SPECC1: variants seen among roughly 807,000 people sequenced by gnomAD.
SPECC1 encodes the protein cytospin-B.
A neutral mutation model predicts 104.1 loss-of-function variants in SPECC1; 62 were observed. That is an observed-to-expected ratio of 0.60 (90% CI 0.49 to 0.74). The LOEUF (loss-of-function observed/expected upper bound fraction) is 0.74, where lower values mean the gene tolerates loss of function less well. Ranked by LOEUF, SPECC1 falls within the 30% of genes least tolerant of loss-of-function variation. The pLI is 0.00. For synonymous variants in SPECC1, 513 were observed against 501.6 expected (o/e 1.02, Z -0.30); for missense variants, 1,306 against 1,310.5 (o/e 1.00, Z 0.05).
chr17:20,156,235 A>G (rs1394427982), intron 3 of SPECC1: 17 of 1,374,192 alleles, frequency 1.2e-5, no homozygotes, highest in Non-Finnish European at 1.6e-5. Context: ...ATCCGGAACC[A>G]GGTCTGTGCG....
chr17:20,237,790 T>G (rs1277076755), intron 7 of SPECC1: 1 of 190,702 alleles, frequency 5.2e-6, no homozygotes, highest in African/African-American at 2.3e-5. Context: ...TTGCCCAGGC[T>G]AGAGTGCAGT....
chr17:20,236,864 C>G, intron 7 of SPECC1: 1 of 1,613,884 alleles, frequency 6.2e-7, no homozygotes, highest in Non-Finnish European at 8.5e-7. Flanking sequence ...TCACAGCTCC[C>G]TGGGCTCTGT....
rs532406947 is a variant in SPECC1 at position 20,009,554 on chromosome 17, T to C, written c.-22+130T>C. 38 of 152,460 alleles carry C rather than the reference T, an allele frequency of 2.5e-4. No homozygotes were observed. The highest frequency in any genetic ancestry group is 8.2e-4 in the African/African-American group (34 of 41,542). The allele number at this position is 152,460 out of a possible 1,614,324, so 9.4% of individuals were successfully genotyped here. ...TCGTGGGGGCACGGGACTGCCTTTC[T>C]GGGAAGGCGTGCTGCGTCTTCGCCG... On this transcript the variant is annotated intron_variant, in intron 1 of 14. Coordinates refer to ENST00000395527, the MANE Select transcript of SPECC1 (RefSeq NM_001243439.2). The surrounding 1 kb of genome is among the most constrained non-coding windows in gnomAD (Gnocchi z 5.2).
intron 1 of SPECC1, among the ~76,000 whole-genome samples, chr17:20,082,123 C>T (rs1335737971): frequency 2.6e-5 from 4 of 152,192 alleles, no homozygotes; most frequent in Admixed American, 6.5e-5. Flanking sequence ...CGTGCTCGCG[C>T]GCTGTGGCCA....
chr17:20,238,886 A>G lies in SPECC1; in HGVS notation c.2351+6481A>G, dbSNP rs2039063645. On this transcript the variant is annotated intron_variant, in intron 7 of 14. Coordinates refer to ENST00000395527, the MANE Select transcript of SPECC1 (RefSeq NM_001243439.2). ...AAGTGCAAAATAAACATGTTATTATATAGAAGCGTCTGCTGCTTAGTTTTA... is the reference window on the plus strand; with the variant it reads ...AAGTGCAAAATAAACATGTTATTATGTAGAAGCGTCTGCTGCTTAGTTTTA... 7.7e-6 allele frequency: 8 copies of G among 1,043,114 alleles called. No individual in the cohort carries two copies. The South Asian group carries it at 2.8e-4, about 36-fold the overall frequency. The allele number at this position is 1,043,114 out of a possible 1,614,324, so 64.6% of individuals were successfully genotyped here.
chr17:20,248,304 A>G (rs2039498871), intron 9 of SPECC1, among the ~76,000 whole-genome samples: 1 of 152,180 alleles, frequency 6.6e-6, no homozygotes, highest in Admixed American at 6.5e-5. Context: ...CCAAGCTTTA[A>G]AGGAGTTTGC....
chr17:20,104,105 A>T (rs1333877587), intron 2 of SPECC1, among the ~76,000 whole-genome samples: 1 of 152,186 alleles, frequency 6.6e-6, no homozygotes, highest in African/African-American at 2.4e-5. Context: ...TTTGAAGTGG[A>T]GGTTACAATC....
chr17:20,143,610 G>C (rs2031103825), intron 3 of SPECC1, among the ~76,000 whole-genome samples: 1 of 152,042 alleles, frequency 6.6e-6, no homozygotes, highest in Admixed American at 6.6e-5. Context: ...CTTGAACCTG[G>C]GAGGCGGAGG....
chr17:20,042,328 T>C (rs2045362231), intron 1 of SPECC1, among the ~76,000 whole-genome samples: 1 of 151,346 alleles, frequency 6.6e-6, no homozygotes, highest in African/African-American at 2.5e-5. Context: ...TGCCTACTGC[T>C]TGCCACAGTG....
chr17:20,106,368 G>T (rs2048196504), intron 2 of SPECC1, among the ~76,000 whole-genome samples: 1 of 152,168 alleles, frequency 6.6e-6, no homozygotes, highest in African/African-American at 2.4e-5. Context: ...TGAGTGAAGG[G>T]ATGCTTTTTA....
At chr17:20,075,674 C>T (rs1396484003) in intron 1 of SPECC1, among the ~76,000 whole-genome samples, 4 of 152,004 alleles carry the variant, frequency 2.6e-5, no homozygotes, top group Admixed American at 2.6e-4. Context: ...GTCTGGGCGT[C>T]GTAGGTCATG....
At chr17:20,116,934 C>A (rs1341474156) in intron 3 of SPECC1, among the ~76,000 whole-genome samples, 1 of 148,124 alleles carries the variant, frequency 6.8e-6, no homozygotes, top group Non-Finnish European at 1.5e-5. Context: ...TGGAGAGTGT[C>A]CTGCCCAAAA....
chr17:20,295,177 C>T (rs953628885), intron 12 of SPECC1, among the ~76,000 whole-genome samples: 1 of 119,804 alleles, frequency 8.3e-6, no homozygotes, highest in Admixed American at 9.6e-5. Context: ...CCCCTCCCCC[C>T]ACCCCATGAC....
At chr17:20,115,100 A>C (rs968218392) in intron 3 of SPECC1, among the ~76,000 whole-genome samples, 4 of 152,196 alleles carry the variant, frequency 2.6e-5, no homozygotes, top group Admixed American at 1.3e-4. Context: ...TTTTAGATCT[A>C]ATGTATACTG....
chr17:20,306,107 G>T (rs751431281), intron 14 of SPECC1, 25 bp downstream of exon 14: 2 of 1,600,038 alleles, frequency 1.2e-6, no homozygotes, highest in Non-Finnish European at 8.6e-7. Flanking sequence ...TTGTATCCTT[G>T]TGATACTTTA....
intron 1 of SPECC1, among the ~76,000 whole-genome samples, chr17:20,039,805 C>T (rs986844128): frequency 4.6e-5 from 7 of 152,130 alleles, no homozygotes; most frequent in South Asian, 2.1e-4. Context: ...GATCCACCCG[C>T]CTTGGCCTCC....
chr17:20,028,192 T>C (rs2044669758), intron 1 of SPECC1, among the ~76,000 whole-genome samples: 2 of 152,156 alleles, frequency 1.3e-5, no homozygotes, highest in South Asian at 4.1e-4. Context: ...TTGACCTTTT[T>C]GAAAATCATT....
intron 3 of SPECC1, among the ~76,000 whole-genome samples, chr17:20,197,652 A>T (rs899422376): frequency 7.2e-5 from 11 of 152,236 alleles, no homozygotes; most frequent in Non-Finnish European, 5.9e-5. Flanking sequence ...GTACTGCCAC[A>T]TGGTTACAAG....
At chr17:20,040,359 A>G (rs1047262048) in intron 1 of SPECC1, among the ~76,000 whole-genome samples, 1 of 152,248 alleles carries the variant, frequency 6.6e-6, no homozygotes, top group African/African-American at 2.4e-5. Context: ...AATATAATTT[A>G]GAAGTCTTAA....
Sources: gnomAD v4.1 joint callset for allele counts (sites outside exome capture counted in the v4.1 genomes callset) on GRCh38, gnomAD v4.1.1 for gene constraint, Gnocchi (gnomAD v3.1) non-coding constraint, MANE v1.5 for transcripts, NCBI Gene and HGNC (gene_info 2026-07-23, HGNC 2026-07-21) for gene names.